Variants in IMPG2 observed in about 807,000 individuals in gnomAD.
IMPG2 encodes the protein interphotoreceptor matrix proteoglycan 2.
A neutral mutation model predicts 129.2 loss-of-function variants in IMPG2; 91 were observed. That is an observed-to-expected ratio of 0.70 (90% CI 0.59 to 0.84). IMPG2 has a LOEUF of 0.84. Ranked by LOEUF, IMPG2 falls within the 40% of genes least tolerant of loss-of-function variation. The pLI is 0.00. For missense variants in IMPG2, 1,430 were observed against 1,461.7 expected (o/e 0.98, Z 0.35); for synonymous variants, 510 against 517.7 (o/e 0.99, Z 0.20).
chr3:101,259,156 C>A (rs1412187713), intron 9 of IMPG2, among the ~76,000 whole-genome samples: 1 of 152,104 alleles, frequency 6.6e-6, no homozygotes, highest in African/African-American at 2.4e-5. Flanking sequence ...CAGCTCAATA[C>A]CACTCATCAC....
intron 2 of IMPG2, among the ~76,000 whole-genome samples, chr3:101,304,999 A>G (rs1297989147): frequency 6.6e-6 from 1 of 152,078 alleles, no homozygotes; most frequent in African/African-American, 2.4e-5. Flanking sequence ...GAAAATAATA[A>G]TCTTTTTTAT....
intron 11 of IMPG2, among the ~76,000 whole-genome samples, chr3:101,250,764 C>T (rs1387058928): frequency 6.6e-6 from 1 of 152,090 alleles, no homozygotes; most frequent in Non-Finnish European, 1.5e-5. Flanking sequence ...TTTATAAGAC[C>T]CAGGTCAACA....
At chr3:101,246,921 G>C (rs1706485569) in intron 11 of IMPG2, among the ~76,000 whole-genome samples, 1 of 151,808 alleles carries the variant, frequency 6.6e-6, no homozygotes, top group Admixed American at 6.6e-5. Flanking sequence ...AATATAGCAA[G>C]ACCGCATCTC....
At chr3:101,294,572 T>C (rs1252987265) in intron 3 of IMPG2, among the ~76,000 whole-genome samples, 1 of 152,232 alleles carries the variant, frequency 6.6e-6, no homozygotes, top group Non-Finnish European at 1.5e-5. Context: ...TGTGTCTTTA[T>C]AGCAGAATGA....
intron 9 of IMPG2, among the ~76,000 whole-genome samples, chr3:101,258,362 C>T (rs1190920315): frequency 6.6e-6 from 1 of 151,982 alleles, no homozygotes; most frequent in East Asian, 1.9e-4. Context: ...ATAACCTAGA[C>T]AATTTACAGT....
chr3:101,275,837 T>G (rs553435361), intron 5 of IMPG2, 92 bp from the exon 6 acceptor site: 1 of 914,256 alleles, frequency 1.1e-6, no homozygotes, highest in East Asian at 2.4e-5. Flanking sequence ...TCAAAAACCA[T>G]TCCTATAAAT....
At position 101,244,059 on chromosome 3, in the gene IMPG2, A is replaced by G. The variant is rs1419929859; in HGVS notation, c.2272T>C (p.Trp758Arg). 1.2e-6 allele frequency: 2 copies of G among 1,614,076 alleles called. No homozygotes were observed. The highest frequency in any genetic ancestry group is 3.3e-5 in the Admixed American group (2 of 60,030). ...EQITESSNYE[W>R]FDSEVSMVKP... ...ACCATTGAAACCTCACTGTCAAACC[A>G]TTCATAGTTGGATGACTCAGTAATT... The change falls in exon 13 of 19, where the codon TGG becomes CGG. Residue 758 changes from tryptophan to arginine, a missense_variant. Trp to Arg is a moderately radical substitution (Grantham distance 101). Transcript: ENST00000193391.
chr3:101,284,647 T>C (rs1706926773), intron 4 of IMPG2, among the ~76,000 whole-genome samples: 2 of 152,114 alleles, frequency 1.3e-5, no homozygotes, highest in Admixed American at 1.3e-4. Context: ...AATTCATGTA[T>C]ATTTAGGACA....
At position 101,244,599 on chromosome 3, in the gene IMPG2, C is replaced by T; in HGVS notation, c.1732G>A (p.Asp578Asn). Residue 578 changes from aspartate to asparagine, a missense_variant, in exon 13 of 19, where the codon GAC becomes AAC. Transcript: ENST00000193391. Reference protein sequence around the residue: ...GLDSLTSKVKDQLKVSPFLPD... With the variant: ...GLDSLTSKVKNQLKVSPFLPD... ...AGGAAAGGGCTCACTTTTAATTGGT[C>T]TTTGACTTTGGAGGTCAAGGAGTCC... The T allele has an allele frequency of 6.3e-7, 1 of 1,598,436 alleles. No homozygotes were observed. Among genetic ancestry groups the T allele is most frequent in the African/African-American group, 1.3e-5 (1 of 74,186 alleles).
chr3:101,256,309 GTCTC>G (rs1305607197), intron 10 of IMPG2, among the ~76,000 whole-genome samples: 1 of 151,134 alleles, frequency 6.6e-6, no homozygotes, highest in East Asian at 1.9e-4. Flanking sequence ...CACTTTCTCT[GTCTC>G]TCTCACACAC....
In IMPG2 at chr3:101,232,611, T is replaced by C. The variant is rs78472633; in HGVS notation, c.3233+170A>G. On this transcript the variant is annotated intron_variant, in intron 15 of 18. Coordinates refer to ENST00000193391, the MANE Select transcript of IMPG2 (RefSeq NM_016247.4). Reference sequence around the variant, plus strand: ...AAATTACTGAATTGAAATTCAGGCCTGTTAAACAACTCATCCTCACATGAC... The same window carrying C: ...AAATTACTGAATTGAAATTCAGGCCCGTTAAACAACTCATCCTCACATGAC... Among the ~76,000 whole-genome samples the C allele has an allele frequency of 2.7e-3, 413 of 152,208 alleles. 21 individuals carry two copies. In the East Asian group the frequency reaches 0.07, roughly 26 times the overall value.
At chr3:101,275,054 G>C (rs1207302489) in intron 6 of IMPG2, among the ~76,000 whole-genome samples, 2 of 148,802 alleles carry the variant, frequency 1.3e-5, no homozygotes, top group Non-Finnish European at 3.0e-5. Context: ...GTCAGAGTTA[G>C]CTCTATATTA....
intron 10 of IMPG2, among the ~76,000 whole-genome samples, chr3:101,254,686 A>G (rs547635989): frequency 3.9e-4 from 59 of 152,206 alleles, no homozygotes; most frequent in Admixed American, 1.1e-3. Context: ...GTATACAATT[A>G]TCTTGTCTTC....
intron 9 of IMPG2, among the ~76,000 whole-genome samples, chr3:101,259,984 C>G (rs1706652808): frequency 6.6e-6 from 1 of 152,080 alleles, no homozygotes; most frequent in African/African-American, 2.4e-5. Context: ...TTAAGTAGAT[C>G]AACAGGCATC....
chr3:101,228,690 C>T (rs1706249330), intron 18 of IMPG2, 107 bp downstream of exon 18: 6 of 868,928 alleles, frequency 6.9e-6, no homozygotes, highest in Non-Finnish European at 7.8e-6. Flanking sequence ...ATCACGGAGA[C>T]TCCTGTCACA....
At chr3:101,312,254 G>A (rs543896942) in intron 2 of IMPG2, among the ~76,000 whole-genome samples, 10 of 151,484 alleles carry the variant, frequency 6.6e-5, no homozygotes, top group Non-Finnish European at 1.2e-4. Flanking sequence ...CTACAGAATG[G>A]GATAAAATAT....
intron 14 of IMPG2, among the ~76,000 whole-genome samples, chr3:101,236,615 C>T (rs1172639543): frequency 2.6e-5 from 4 of 152,112 alleles, no homozygotes; most frequent in African/African-American, 9.7e-5. Context: ...ACTCCCTTCC[C>T]TAGCCAAGGG....
Position 101,320,449 on chromosome 3 carries a change from A to G in IMPG2, c.-77T>C, listed in dbSNP as rs1161493175. ...CCAAATCCTTGAAACTTCCAATAAC[A>G]AAGAGTTATAGGAAAGACCTAACAT... On this transcript the variant is annotated 5_prime_UTR_variant, in exon 1 of 19. Coordinates refer to ENST00000193391, the MANE Select transcript of IMPG2 (RefSeq NM_016247.4). 16 of 872,162 alleles carry G rather than the reference A, an allele frequency of 1.8e-5. No homozygotes were observed. The highest frequency in any genetic ancestry group is 3.3e-5 in the African/African-American group (2 of 60,054). The allele number at this position is 872,162 out of a possible 1,614,324, so 54.0% of individuals were successfully genotyped here. A position where few individuals can be genotyped will look rare whatever the true frequency, so the allele number is the denominator to read the frequency against.
chr3:101,257,597 A>C lies in IMPG2; in HGVS notation c.1085T>G (p.Leu362Trp). Residue 362 changes from leucine to tryptophan, a missense_variant, in exon 10 of 19, where the codon TTG becomes TGG. By Grantham distance (61) the Leu-to-Trp change is moderately conservative. Coordinates refer to ENST00000193391, the MANE Select transcript of IMPG2 (RefSeq NM_016247.4). ...SNFRDYIAETLQQNFLLGNSS... is the reference protein window; with the variant it reads ...SNFRDYIAETWQQNFLLGNSS... ...GTTCCCCAGCAAAAAATTCTGCTGC[A>C]ATGTCTCAGCAATATAATCTCTGAA... 1 of 1,613,306 alleles carries C rather than the reference A, an allele frequency of 6.2e-7. No individual in the cohort carries two copies. The highest frequency in any genetic ancestry group is 8.5e-7 in the Non-Finnish European group (1 of 1,179,428).
Sources: gnomAD v4.1 joint callset for allele counts (sites outside exome capture counted in the v4.1 genomes callset) on GRCh38, gnomAD v4.1.1 for gene constraint, MANE v1.5 for transcripts, NCBI Gene and HGNC (gene_info 2026-07-23, HGNC 2026-07-21) for gene names.